The following KCNH5 variants were observed in gnomAD, a reference collection of about 807,000 sequenced individuals.
KCNH5 encodes the protein voltage-gated delayed rectifier potassium channel KCNH5.
In KCNH5, 46 loss-of-function variants were observed where a neutral mutation model predicts 96.1. That is an observed-to-expected ratio of 0.48 (90% CI 0.38 to 0.61). KCNH5 has a LOEUF of 0.61. KCNH5 is among the 20% of genes least tolerant of loss of function. KCNH5 has a pLI of 0.00. For missense variants in KCNH5, 907 were observed against 1,225.8 expected (o/e 0.74, Z 3.88); for synonymous variants, 439 against 449.8 (o/e 0.98, Z 0.30).
chr14:63,045,071 G>T, intron 1 of KCNH5, 43 bp downstream of exon 1: 1 of 1,467,778 alleles, frequency 6.8e-7, no homozygotes. Flanking sequence ...GCGCGTGTGG[G>T]CGGGATGGAG....
chr14:62,771,350 G>A (rs753313673), intron 10 of KCNH5, among the ~76,000 whole-genome samples: 142 of 152,272 alleles, frequency 9.3e-4, no homozygotes, highest in Admixed American at 4.8e-3. Context: ...GTCTAGGCCA[G>A]GCGCGGTGGC....
chr14:62,859,599 GT>G (rs1887994167), intron 7 of KCNH5, among the ~76,000 whole-genome samples: 1 of 152,270 alleles, frequency 6.6e-6, no homozygotes, highest in African/African-American at 2.4e-5. Context: ...CTTCTTTCAA[GT>G]CCCTGACCAT....
At position 62,708,304 on chromosome 14, in the gene KCNH5, G is replaced by A. The variant is rs201400156; in HGVS notation, c.2171C>T (p.Ser724Leu). 5.1e-5 allele frequency: 83 copies of A among 1,614,040 alleles called. No homozygotes were observed. Among genetic ancestry groups the A allele is most frequent in the Non-Finnish European group, 1.7e-6 (2 of 1,180,046 alleles). The part of the protein sequence containing the change: ...KQQKELRNQG[S>L]TQGDPERNQL... ...GTTCCTCTCAGGGTCACCCTGTGTTGAGCCCTGATTCCGCAGCTCCTTCTG... is the reference window on the plus strand; with the variant it reads ...GTTCCTCTCAGGGTCACCCTGTGTTAAGCCCTGATTCCGCAGCTCCTTCTG... The change falls in exon 11 of 11, where the codon TCA (serine) becomes TTA (leucine). Residue 724 changes from serine (S) to leucine (L), a missense_variant. Ser to Leu is a moderately radical substitution (Grantham distance 145). Around this residue, in one of 6 missense-constraint regions of KCNH5, gnomAD observed 362 missense variants for 394.4 expected, o/e 0.92. Transcript: ENST00000322893.
chr14:62,772,041 T>C (rs1270775484), intron 10 of KCNH5, among the ~76,000 whole-genome samples: 1 of 152,230 alleles, frequency 6.6e-6, no homozygotes, highest in Non-Finnish European at 1.5e-5. Flanking sequence ...CAGTTTACAT[T>C]CTTCTTTTGC....
intron 5 of KCNH5, among the ~76,000 whole-genome samples, chr14:62,986,242 T>G (rs542797253): frequency 6.6e-6 from 1 of 152,268 alleles, no homozygotes; most frequent in South Asian, 2.1e-4. Flanking sequence ...ATGGACCTCT[T>G]CTTAGAATAA....
At chr14:62,978,259 G>A (rs1890538426) in intron 6 of KCNH5, among the ~76,000 whole-genome samples, 1 of 152,182 alleles carries the variant, frequency 6.6e-6, no homozygotes, top group Non-Finnish European at 1.5e-5. Context: ...ATGCTGAGTC[G>A]AGAAGAGATG....
In KCNH5 at chr14:62,755,384, A is replaced by G. The variant is rs368182882; in HGVS notation, c.2019+24344T>C. Among the ~76,000 whole-genome samples the G allele has an allele frequency of 2.6e-5, 4 of 152,318 alleles. No homozygotes were observed. The East Asian group carries it at 5.8e-4, about 22-fold the overall frequency. On this transcript the variant is annotated intron_variant, in intron 10 of 10. Coordinates refer to ENST00000322893, the MANE Select transcript of KCNH5 (RefSeq NM_139318.5). ...ATACGACCTGCAAATACATTAAACCATAAAGAAATCCAAAACTTGATAGAC... is the reference window on the plus strand; with the variant it reads ...ATACGACCTGCAAATACATTAAACCGTAAAGAAATCCAAAACTTGATAGAC...
rs535764626 is a variant in KCNH5 at position 62,862,689 on chromosome 14, A to C, written c.1370-12837T>G. The stretch of plus-strand genomic sequence containing the variant: ...CTTAGGATGCTGCCTTGAAATCATC[A>C]CCCTGAAGAAGTCTGGGTTGTACTG... On this transcript the variant is annotated intron_variant, in intron 7 of 10. Coordinates refer to ENST00000322893, the MANE Select transcript of KCNH5 (RefSeq NM_139318.5). Among the ~76,000 whole-genome samples, 47 of 152,186 alleles carry C rather than the reference A, an allele frequency of 3.1e-4. No homozygotes were observed. The South Asian group carries it at 8.9e-3, about 29-fold the overall frequency.
At position 62,709,539 on chromosome 14, in the gene KCNH5, C is replaced by T. The variant is rs568804401; in HGVS notation, c.2020-1084G>A. On this transcript the variant is annotated intron_variant, in intron 10 of 10. Transcript: ENST00000322893. ...AAGGTTAAGATAGAAGTATGTTTTC[C>T]ATATGACATGTTCACTGGGTTGGAG... 5.3e-5 allele frequency among the ~76,000 whole-genome samples: 8 copies of T among 152,238 alleles called. No individual in the cohort carries two copies. In the East Asian group the frequency reaches 1.4e-3, roughly 26 times the overall value.
At chr14:62,741,242 G>A (rs1016517091) in intron 10 of KCNH5, among the ~76,000 whole-genome samples, 15 of 152,208 alleles carry the variant, frequency 9.9e-5, no homozygotes, top group Admixed American at 6.6e-4. Flanking sequence ...TTAAAAAGAC[G>A]ATACTATATT....
At chr14:62,835,525 G>A (rs1887447357) in intron 8 of KCNH5, among the ~76,000 whole-genome samples, 1 of 151,830 alleles carries the variant, frequency 6.6e-6, no homozygotes, top group Admixed American at 6.6e-5. Flanking sequence ...ATATTCTTAG[G>A]AATACTTTAA....
chr14:62,898,625 G>C (rs1339645903), intron 7 of KCNH5, among the ~76,000 whole-genome samples: 1 of 151,978 alleles, frequency 6.6e-6, no homozygotes, highest in Non-Finnish European at 1.5e-5. Flanking sequence ...ATTCAAAAGA[G>C]TATAAGAACA....
chr14:62,951,277 C>T (rs184608061), intron 6 of KCNH5, among the ~76,000 whole-genome samples: 2 of 152,262 alleles, frequency 1.3e-5, no homozygotes, highest in South Asian at 2.1e-4. Context: ...TGTTGAGAAG[C>T]TTAAAATAAC....
chr14:62,993,003 G>C (rs1468824203), intron 4 of KCNH5, among the ~76,000 whole-genome samples: 3 of 135,624 alleles, frequency 2.2e-5, no homozygotes, highest in Non-Finnish European at 4.8e-5. Flanking sequence ...ACAAGAGATA[G>C]GGGGGTCCTG....
chr14:62,848,872 A>C (rs1887750649), intron 8 of KCNH5, among the ~76,000 whole-genome samples: 1 of 152,236 alleles, frequency 6.6e-6, no homozygotes, highest in Non-Finnish European at 1.5e-5. Context: ...AATGATGTTT[A>C]TAAAGTAAAA....
At chr14:62,949,945 T>C (rs1251971416) in intron 7 of KCNH5, 188 bp downstream of exon 7, 2 of 562,990 alleles carry the variant, frequency 3.6e-6, no homozygotes, top group African/African-American at 3.8e-5. Flanking sequence ...CACATTATTA[T>C]GTCCTGAAGA....
intron 6 of KCNH5, among the ~76,000 whole-genome samples, chr14:62,954,045 A>G (rs1021718406): frequency 5.3e-5 from 8 of 152,186 alleles, no homozygotes; most frequent in African/African-American, 1.9e-4. Context: ...TCTCCTGCCA[A>G]TTCCTCCACC....
At chr14:62,738,181 T>C (rs762396442) in intron 10 of KCNH5, among the ~76,000 whole-genome samples, 2 of 152,174 alleles carry the variant, frequency 1.3e-5, no homozygotes, top group Non-Finnish European at 2.9e-5. Flanking sequence ...GTGCAGACAG[T>C]GTACACAGTA....
intron 1 of KCNH5, among the ~76,000 whole-genome samples, chr14:63,017,192 T>C (rs1357120314): frequency 6.6e-6 from 1 of 152,018 alleles, no homozygotes; most frequent in Non-Finnish European, 1.5e-5. Flanking sequence ...AACCAGTTTA[T>C]AATAATTCTT....
Sources: gnomAD v4.1 joint callset for allele counts (sites outside exome capture counted in the v4.1 genomes callset) on GRCh38, gnomAD v4.1.1 for gene constraint, gnomAD v4.1.1 regional missense constraint, MANE v1.5 for transcripts, NCBI Gene and HGNC (gene_info 2026-07-23, HGNC 2026-07-21) for gene names.